RYK: variants seen among roughly 807,000 people sequenced by gnomAD.
The protein encoded by RYK is inactive tyrosine-protein kinase RYK.
In RYK, 21 loss-of-function variants were observed where a neutral mutation model predicts 70.2. That is an observed-to-expected ratio of 0.30 (90% CI 0.21 to 0.43). The LOEUF (loss-of-function observed/expected upper bound fraction) is 0.43, where lower values mean the gene tolerates loss of function less well. Ranked by LOEUF, RYK falls within the 20% of genes least tolerant of loss-of-function variation. The pLI is 1.00. For synonymous variants in RYK, 267 were observed against 278.0 expected (o/e 0.96, Z 0.39); for missense variants, 604 against 753.3 (o/e 0.80, Z 2.32).
intron 1 of RYK, among the ~76,000 whole-genome samples, chr3:134,243,662 A>G (rs1431232933): frequency 6.6e-6 from 1 of 152,092 alleles, no homozygotes; most frequent in East Asian, 1.9e-4. Flanking sequence ...CTTTGTTCAC[A>G]CTACTTTCTC....
At chr3:134,219,498 A>C (rs1170568225) in intron 2 of RYK, among the ~76,000 whole-genome samples, 1 of 152,120 alleles carries the variant, frequency 6.6e-6, no homozygotes, top group Non-Finnish European at 1.5e-5. Context: ...AAATATTCAC[A>C]CTCTGTTCAA....
At chr3:134,170,995 C>A (rs183431568) in intron 13 of RYK, 1 of 152,692 alleles carries the variant, frequency 6.5e-6, no homozygotes, top group Non-Finnish European at 1.5e-5. Flanking sequence ...AATCTGATGG[C>A]GCAAAAGGTC....
At chr3:134,240,283 G>A (rs2015291456) in intron 1 of RYK, among the ~76,000 whole-genome samples, 1 of 152,162 alleles carries the variant, frequency 6.6e-6, no homozygotes. Flanking sequence ...GAGTGGAGTA[G>A]GGGTAAGGTG....
At chr3:134,200,651 A>G (rs2013983480) in intron 6 of RYK, among the ~76,000 whole-genome samples, 1 of 152,168 alleles carries the variant, frequency 6.6e-6, no homozygotes, top group South Asian at 2.1e-4. Context: ...TTTCATTAAA[A>G]CCTCACAACA....
chr3:134,230,892 TTA>T (rs2015040988), intron 1 of RYK, among the ~76,000 whole-genome samples: 1 of 152,332 alleles, frequency 6.6e-6, no homozygotes, highest in Non-Finnish European at 1.5e-5. Flanking sequence ...ACCTCTCTGC[TTA>T]TCTCAAGAAG....
intron 2 of RYK, 45 bp downstream of exon 2, chr3:134,222,373 G>T (rs778474508): frequency 1.2e-6 from 2 of 1,609,888 alleles, no homozygotes; most frequent in Non-Finnish European, 1.7e-6. Flanking sequence ...TGCCTCTGTG[G>T]CTGGGTGACC....
chr3:134,189,332 A>G (rs1356663550), intron 8 of RYK, among the ~76,000 whole-genome samples: 1 of 152,184 alleles, frequency 6.6e-6, no homozygotes, highest in Admixed American at 6.5e-5. Flanking sequence ...AAGTAGCTTC[A>G]AGGGAAGGCC....
At chr3:134,162,234 A>ATTT (rs35638482) in intron 13 of RYK, among the ~76,000 whole-genome samples, 2 of 139,384 alleles carry the variant, frequency 1.4e-5, no homozygotes, top group Non-Finnish European at 1.6e-5. Context: ...GGCTTCAACC[A>ATTT]TTTTTTTTTT....
Position 134,211,534 on chromosome 3 carries a change from T to C in RYK, c.428A>G (p.Gln143Arg), listed in dbSNP as rs763809419. Residue 143 changes from glutamine to arginine, a missense_variant, in exon 3 of 15, where the codon CAG becomes CGG. Gln to Arg is a conservative substitution (Grantham distance 43). Coordinates refer to ENST00000623711, the MANE Select transcript of RYK (RefSeq NM_002958.4). ...TGATAAAGTGCGTGGAACTTCCCCC[T>C]GAACAGAAATGTTGACCTGGGGCAT... ...MDMPQVNISV[Q>R]GEVPRTLSVF... 57 of 1,613,298 alleles carry C rather than the reference T, an allele frequency of 3.5e-5. 1 individual carries two copies. In the South Asian group the frequency reaches 3.8e-4, roughly 11 times the overall value.
intron 1 of RYK, among the ~76,000 whole-genome samples, chr3:134,239,027 G>A: frequency 6.6e-6 from 1 of 152,172 alleles, no homozygotes; most frequent in East Asian, 1.9e-4. Context: ...CGGTGCAGTA[G>A]GGGAGAGACA....
intron 1 of RYK, among the ~76,000 whole-genome samples, chr3:134,244,029 G>A (rs1369217600): frequency 6.6e-6 from 1 of 152,138 alleles, no homozygotes; most frequent in Admixed American, 6.5e-5. Flanking sequence ...GTATTGACTT[G>A]ATTTTAAATA....
chr3:134,189,379 TCC>T (rs1197770793), intron 8 of RYK, among the ~76,000 whole-genome samples: 3 of 152,098 alleles, frequency 2.0e-5, no homozygotes, highest in Non-Finnish European at 2.9e-5. Flanking sequence ...AGTCCTGGGT[TCC>T]ATTCCTTCTA....
At chr3:134,248,480 G>A (rs1452467809) in intron 1 of RYK, among the ~76,000 whole-genome samples, 2 of 151,942 alleles carry the variant, frequency 1.3e-5, no homozygotes, top group African/African-American at 2.4e-5. Flanking sequence ...CATTTCATTC[G>A]ATAAAACTTT....
rs186212322 is a variant in RYK at position 134,225,704 on chromosome 3, T to A, written c.233-3165A>T. ...ACCCATCTCTATAAAAAACTTTTTT[T>A]AAATTAGCTGGGAGTGGTGGTACAC... On this transcript the variant is annotated intron_variant, in intron 1 of 14. Coordinates refer to ENST00000623711, the MANE Select transcript of RYK (RefSeq NM_002958.4). Among the ~76,000 whole-genome samples, 14 of 152,132 alleles carry A rather than the reference T, an allele frequency of 9.2e-5. No individual in the cohort carries two copies. The East Asian group carries it at 9.6e-4, about 10-fold the overall frequency.
chr3:134,190,724 T>C (rs1393671619), intron 8 of RYK, among the ~76,000 whole-genome samples: 3 of 152,194 alleles, frequency 2.0e-5, no homozygotes, highest in Non-Finnish European at 4.4e-5. Context: ...AGAAAAACTC[T>C]ACCTGGTTCA....
chr3:134,179,028 C>T (rs1287407843), intron 10 of RYK: 1 of 152,086 alleles, frequency 6.6e-6, no homozygotes, highest in African/African-American at 2.4e-5. Flanking sequence ...TTGGCAAATC[C>T]TGCTTCTAAG....
chr3:134,157,426 TCA>T lies in RYK; in HGVS notation c.*725_*726del, dbSNP rs2108135526. 6.6e-6 allele frequency: 1 copy of T among 152,364 alleles called. No individual in the cohort carries two copies. The highest frequency in any genetic ancestry group is 2.1e-4 in the South Asian group (1 of 4,832). 9.4% of individuals were successfully genotyped at this position (152,364 alleles called of 1,614,324 possible). On this transcript the variant is annotated 3_prime_UTR_variant, in exon 15 of 15. Transcript: ENST00000623711. Reference sequence around the variant, plus strand: ...AGATCTGCCCCAAACCACATCTGGTTCACAGAAAGGCTAATTTCTGCCAAATT... The same window carrying T: ...AGATCTGCCCCAAACCACATCTGGTTCAGAAAGGCTAATTTCTGCCAAATT...
chr3:134,158,720 A>G (rs1410328184), intron 14 of RYK, among the ~76,000 whole-genome samples: 1 of 152,136 alleles, frequency 6.6e-6, no homozygotes, highest in Non-Finnish European at 1.5e-5. Context: ...ACGATCAATC[A>G]CCCTGCATAG....
intron 4 of RYK, among the ~76,000 whole-genome samples, chr3:134,208,232 G>C (rs1222759429): frequency 6.6e-6 from 1 of 152,116 alleles, no homozygotes. Flanking sequence ...GCAGATATTA[G>C]CACTGGTGGG....
Sources: allele counts gnomAD v4.1 joint callset (sites outside exome capture counted in the v4.1 genomes callset), GRCh38; gene constraint gnomAD v4.1.1; transcripts MANE v1.5; gene names NCBI Gene and HGNC (gene_info 2026-07-23, HGNC 2026-07-21).